PRKG1: variants seen among roughly 807,000 people sequenced by gnomAD.
The protein encoded by PRKG1 is cGMP-dependent protein kinase 1.
A neutral mutation model predicts 88.1 loss-of-function variants in PRKG1; 35 were observed. The ratio of observed to expected loss-of-function variants is 0.40; its 90% CI spans 0.30 to 0.53. The LOEUF (loss-of-function observed/expected upper bound fraction) is 0.53, where lower values mean the gene tolerates loss of function less well. PRKG1 is among the 20% of genes least tolerant of loss of function. The pLI is 0.59. For missense variants in PRKG1, 540 were observed against 839.8 expected, an observed-to-expected ratio of 0.64 and a Z score of 4.41; for synonymous variants, 303 against 292.5, an observed-to-expected ratio of 1.04 and a Z score of -0.37.
intron 3 of PRKG1, among the ~76,000 whole-genome samples, chr10:51,794,798 C>A (rs1838968411): frequency 1.3e-5 from 2 of 151,758 alleles, no homozygotes; most frequent in Non-Finnish European, 1.5e-5. Context: ...GTAAAACAAA[C>A]AAAAAACACA....
chr10:51,978,773 A>G (rs1006148493), intron 5 of PRKG1, among the ~76,000 whole-genome samples: 1 of 151,756 alleles, frequency 6.6e-6, no homozygotes, highest in Admixed American at 6.6e-5. Flanking sequence ...ACTGTTGTTC[A>G]TGTACAAAAA....
chr10:51,505,898 T>G (rs1345633108), intron 3 of PRKG1, among the ~76,000 whole-genome samples: 1 of 152,040 alleles, frequency 6.6e-6, no homozygotes, highest in African/African-American at 2.4e-5. Flanking sequence ...TCTATCAATT[T>G]TGTTGATCTT....
intron 9 of PRKG1, among the ~76,000 whole-genome samples, chr10:52,226,892 T>G (rs1467278222): frequency 6.6e-6 from 1 of 152,156 alleles, no homozygotes; most frequent in East Asian, 1.9e-4. Flanking sequence ...TTTGAAAATG[T>G]GCAGATGCTA....
intron 2 of PRKG1, among the ~76,000 whole-genome samples, chr10:51,372,139 A>T (rs1380084241): frequency 6.6e-6 from 1 of 152,150 alleles, no homozygotes; most frequent in Non-Finnish European, 1.5e-5. Context: ...GGCCTCTGTC[A>T]TATCTCTAAT....
chr10:51,558,602 G>A (rs1837374802), intron 3 of PRKG1, among the ~76,000 whole-genome samples: 1 of 152,000 alleles, frequency 6.6e-6, no homozygotes, highest in African/African-American at 2.4e-5. Context: ...TAGAATAAGA[G>A]CAAATGTTGG....
chr10:51,332,312 C>T (rs762614174), intron 2 of PRKG1, among the ~76,000 whole-genome samples: 12 of 152,108 alleles, frequency 7.9e-5, no homozygotes, highest in South Asian at 2.1e-4. Context: ...CAGTGGTGTT[C>T]ATAATTTCAG....
intron 3 of PRKG1, among the ~76,000 whole-genome samples, chr10:51,704,658 A>G (rs1236803383): frequency 6.6e-6 from 1 of 152,220 alleles, no homozygotes; most frequent in Non-Finnish European, 1.5e-5. Flanking sequence ...AGATGAAGAA[A>G]ATAAACCAGA....
chr10:51,352,347 C>A (rs1842268355), intron 2 of PRKG1, among the ~76,000 whole-genome samples: 2 of 151,962 alleles, frequency 1.3e-5, no homozygotes, highest in African/African-American at 4.8e-5. Context: ...GAAGTATGGC[C>A]ATTTTCACGG....
intron 2 of PRKG1, among the ~76,000 whole-genome samples, chr10:51,347,023 A>G (rs1441403098): frequency 6.6e-6 from 1 of 152,016 alleles, no homozygotes; most frequent in East Asian, 1.9e-4. Flanking sequence ...CTTCCCTCTC[A>G]CCTCGTGGCC....
chr10:51,446,577 T>C (rs1349939035), intron 2 of PRKG1, among the ~76,000 whole-genome samples: 1 of 152,066 alleles, frequency 6.6e-6, no homozygotes, highest in Non-Finnish European at 1.5e-5. Context: ...TTTAAGAATA[T>C]AAAGTTTTCA....
At chr10:51,779,570 A>G (rs1174949390) in intron 3 of PRKG1, among the ~76,000 whole-genome samples, 4 of 152,128 alleles carry the variant, frequency 2.6e-5, no homozygotes, top group Admixed American at 1.3e-4. Context: ...ATCATATGAT[A>G]AAATTAACTA....
Position 51,930,992 on chromosome 10 carries a change from G to T in PRKG1, c.762+23422G>T, listed in dbSNP as rs1331172891. The stretch of plus-strand genomic sequence containing the variant: ...TGGAAGTGCTTCTCTCCTGTCCTCA[G>T]CATTGGTGACTCTCAGTGAGCTAGC... On this transcript the variant is annotated intron_variant, in intron 5 of 17. Coordinates refer to ENST00000373980, the MANE Select transcript of PRKG1 (RefSeq NM_006258.4). Among the ~76,000 whole-genome samples, 3 of 152,138 alleles carry T rather than the reference G, an allele frequency of 2.0e-5. No homozygotes were observed. The East Asian group carries it at 5.8e-4, about 29-fold the overall frequency.
chr10:51,107,810 CAAAAAAAAAAAAA>C (rs150587434), intron 1 of PRKG1, among the ~76,000 whole-genome samples: 1 of 63,290 alleles, frequency 1.6e-5, no homozygotes, highest in Non-Finnish European at 3.0e-5. Context: ...AACCCTGTCT[CAAAAAAAAAAAAA>C]AAAAAAAAAA....
chr10:50,994,260 T>G (rs7905728), intron 1 of PRKG1, among the ~76,000 whole-genome samples: 1 of 151,916 alleles, frequency 6.6e-6, no homozygotes, highest in Admixed American at 6.5e-5. Context: ...ATACCTTATT[T>G]TGGCCAAGAA....
chr10:51,589,554 C>T (rs759820617), intron 3 of PRKG1, among the ~76,000 whole-genome samples: 2 of 152,038 alleles, frequency 1.3e-5, no homozygotes, highest in Non-Finnish European at 2.9e-5. Flanking sequence ...AACCAGGAGG[C>T]GGAGGTTGCA....
chr10:51,230,819 A>T (rs572951889), intron 2 of PRKG1, among the ~76,000 whole-genome samples: 1 of 152,170 alleles, frequency 6.6e-6, no homozygotes, highest in East Asian at 1.9e-4. Flanking sequence ...TTCAGTACAG[A>T]TGCAATTTTT....
intron 3 of PRKG1, among the ~76,000 whole-genome samples, chr10:51,671,775 A>G (rs575020222): frequency 6.6e-6 from 1 of 152,024 alleles, no homozygotes; most frequent in South Asian, 2.1e-4. Flanking sequence ...TTTTGTAGGG[A>G]CGGGGTTTCA....
chr10:51,127,877 A>G lies in PRKG1; in HGVS notation c.312-25287A>G, dbSNP rs552038197. ...ACAGGAACAGAAAACCAAACACCAC[A>G]TGTTCTCACTCATAAGTGGGAGTTG... is the stretch of plus-strand genomic sequence containing the variant. On this transcript the variant is annotated intron_variant, in intron 1 of 17. Coordinates refer to ENST00000373980, the MANE Select transcript of PRKG1 (RefSeq NM_006258.4). Among the ~76,000 whole-genome samples, 7 of 152,244 alleles carry G rather than the reference A, an allele frequency of 4.6e-5. No individual in the cohort carries two copies. The East Asian group carries it at 1.2e-3, about 25-fold the overall frequency.
intron 5 of PRKG1, among the ~76,000 whole-genome samples, chr10:52,038,645 CT>C (rs1161366909): frequency 2.0e-5 from 3 of 152,086 alleles, no homozygotes; most frequent in African/African-American, 7.2e-5. Context: ...GTACTTGCCC[CT>C]TTCCCAGAAA....
Sources: allele counts gnomAD v4.1 joint callset (sites outside exome capture counted in the v4.1 genomes callset), GRCh38; gene constraint gnomAD v4.1.1; transcripts MANE v1.5; gene names NCBI Gene and HGNC (gene_info 2026-07-23, HGNC 2026-07-21).